PDXDC1: variants seen among roughly 807,000 people sequenced by gnomAD.
PDXDC1 encodes the protein pyridoxal dependent decarboxylase domain containing 1.
In PDXDC1, 42 loss-of-function variants were observed where a neutral mutation model predicts 100.1. That is an observed-to-expected ratio of 0.42 (90% confidence interval 0.33 to 0.54). PDXDC1 has a LOEUF of 0.54. Ranked by LOEUF, PDXDC1 falls within the 20% of genes least tolerant of loss-of-function variation. The pLI is 0.10. For synonymous variants in PDXDC1, 260 were observed against 371.7 expected (o/e 0.70, Z 3.46); for missense variants, 636 against 979.2 (o/e 0.65, Z 4.68).
chr16:15,081,119 T>C (rs766600540), intron 16 of PDXDC1, among the ~76,000 whole-genome samples: 9 of 152,228 alleles, frequency 5.9e-5, no homozygotes, highest in East Asian at 1.9e-4. Context: ...TGTTCATCAG[T>C]TGACAGACAT....
intron 1 of PDXDC1, among the ~76,000 whole-genome samples, chr16:14,984,450 A>AGTGT: frequency 9.5e-6 from 1 of 105,458 alleles, no homozygotes; most frequent in South Asian, 3.5e-4. Context: ...AGAGAGAGAG[A>AGTGT]GAGAGTGTGT....
chr16:15,126,962 T>G (rs2047769900), intron 16 of PDXDC1: 2 of 279,070 alleles, frequency 7.2e-6, no homozygotes, highest in Non-Finnish European at 1.4e-5. Flanking sequence ...CTGGTCCTTT[T>G]TAATGTTTTA....
intron 16 of PDXDC1, among the ~76,000 whole-genome samples, chr16:15,050,731 CA>C (rs758597516): frequency 8.4e-4 from 109 of 129,598 alleles, no homozygotes; most frequent in Middle Eastern, 3.9e-3. Context: ...GACCCTGCCT[CA>C]AAAAAAAAAA....
intron 16 of PDXDC1, among the ~76,000 whole-genome samples, chr16:15,132,436 G>T (rs1351961983): frequency 7.9e-6 from 1 of 126,766 alleles, no homozygotes. Flanking sequence ...AGGGAAGGGG[G>T]AGGGGAGGGG....
chr16:15,055,620 C>A, intron 16 of PDXDC1: 1 of 322,018 alleles, frequency 3.1e-6, no homozygotes, highest in East Asian at 4.6e-5. Flanking sequence ...GTCCCCGAGC[C>A]GCAGTGCTGT....
chr16:15,128,205 G>A (rs751772117), intron 16 of PDXDC1: 3 of 1,610,888 alleles, frequency 1.9e-6, no homozygotes, highest in South Asian at 1.1e-5. Context: ...GCAGAGCTTG[G>A]CAGGGTCCGC....
intron 1 of PDXDC1, 182 bp downstream of exon 1, chr16:14,975,402 G>T (rs1414198337): frequency 1.2e-5 from 12 of 985,484 alleles, no homozygotes; most frequent in Middle Eastern, 5.2e-4. Context: ...ACGGGGCCGG[G>T]TGTCTCTTGG....
rs553197516 is a variant in PDXDC1, at chr16:15,123,328, G to A, written c.1400-15551G>A. ...CCACCCCAACCAGCTCCCTGTCCCT[G>A]CTTCTGGGCGCTCCTTCCTTCCTGA... On this transcript the variant is annotated intron_variant, in intron 16 of 16. Coordinates refer to the PDXDC1 transcript ENST00000535621. 2.3e-5 allele frequency: 28 copies of A among 1,243,856 alleles called. No individual in the cohort carries two copies. The East Asian group carries it at 5.6e-4, about 25-fold the overall frequency. The allele number at this position is 1,243,856 out of a possible 1,614,324, so 77.1% of individuals were successfully genotyped here.
At position 14,997,815 on chromosome 16, in the gene PDXDC1, G is replaced by A. The variant is rs775645100; in HGVS notation, c.84G>A (p.Glu28=). 3.1e-6 allele frequency: 5 copies of A among 1,608,564 alleles called. No individual in the cohort carries two copies. In the South Asian group the frequency reaches 3.3e-5, roughly 11 times the overall value. ...KNLKEAVKML[E]DSQRRTEEEN... The stretch of plus-strand genomic sequence containing the variant: ...TGAAGGAGGCAGTGAAGATGCTGGA[G>A]GACAGTCAGAGGTGAGTAGGACAGA... Residue 28 remains glutamate (E), a synonymous_variant, in exon 2 of 23, where the codon GAG becomes GAA. Transcript: ENST00000396410.
intron 13 of PDXDC1, chr16:15,026,351 A>C (rs1384657063): frequency 2.1e-6 from 1 of 473,000 alleles, no homozygotes. Flanking sequence ...TTAATCTTTA[A>C]TGTTAGACCT....
intron 16 of PDXDC1, chr16:15,094,025 T>G (rs1351033455): frequency 5.8e-6 from 5 of 856,248 alleles, no homozygotes; most frequent in Non-Finnish European, 9.7e-6. Flanking sequence ...GAGATGACCC[T>G]CCACCCCGTG....
intron 12 of PDXDC1, among the ~76,000 whole-genome samples, chr16:15,019,320 G>C (rs138278555): frequency 5.3e-5 from 8 of 152,294 alleles, no homozygotes; most frequent in African/African-American, 1.9e-4. Flanking sequence ...TGAGGGAATA[G>C]GAAGGTTACA....
At chr16:15,016,740 T>C (rs2041824172) in intron 9 of PDXDC1, among the ~76,000 whole-genome samples, 1 of 152,296 alleles carries the variant, frequency 6.6e-6, no homozygotes, top group Admixed American at 6.5e-5. Context: ...GGAAGGCTAT[T>C]GTAGGGCCAT....
At chr16:15,024,848 G>A (rs1208914581) in intron 13 of PDXDC1, among the ~76,000 whole-genome samples, 23 of 152,404 alleles carry the variant, frequency 1.5e-4, no homozygotes, top group African/African-American at 2.4e-4. Flanking sequence ...CCCCTGGGTC[G>A]TCTTCATCAC....
At chr16:15,059,505 T>C (rs947578785) in intron 16 of PDXDC1, among the ~76,000 whole-genome samples, 1 of 152,190 alleles carries the variant, frequency 6.6e-6, no homozygotes, top group Non-Finnish European at 1.5e-5. Context: ...TAATTAGCGC[T>C]CAGAGAGGTT....
At chr16:15,027,962 C>T (rs1397653962) in intron 14 of PDXDC1, among the ~76,000 whole-genome samples, 1 of 152,286 alleles carries the variant, frequency 6.6e-6, no homozygotes, top group African/African-American at 2.4e-5. Context: ...ACTTCCCTTC[C>T]CCGCTTCTGT....
At chr16:14,980,874 A>G (rs1445522011) in intron 1 of PDXDC1, among the ~76,000 whole-genome samples, 3 of 152,296 alleles carry the variant, frequency 2.0e-5, no homozygotes, top group Admixed American at 2.0e-4. Context: ...TGCTGGGATT[A>G]CAGATGTAAG....
Position 15,127,253 on chromosome 16 carries a change from G to A in PDXDC1, c.1400-11626G>A, listed in dbSNP as rs573354268. 828 of 498,900 alleles carry A rather than the reference G, an allele frequency of 1.7e-3. 6 individuals carry two copies. The highest frequency in any genetic ancestry group is 0.015 in the African/African-American group (772 of 51,442). The allele number at this position is 498,900 out of a possible 1,614,324, so 30.9% of individuals were successfully genotyped here. On this transcript the variant is annotated intron_variant, in intron 16 of 16. Coordinates refer to the PDXDC1 transcript ENST00000535621. ...CAGTTGTCCGTGGCGTCTGCTTAGC[G>A]AAGTGCCCTCGTTCTTTCACGATTC...
chr16:15,104,648 A>G, intron 16 of PDXDC1: 1 of 1,597,954 alleles, frequency 6.3e-7, no homozygotes, highest in Non-Finnish European at 8.5e-7. Flanking sequence ...AATGTTGTTG[A>G]GTTGGAGGAG....
Sources: allele counts gnomAD v4.1 joint callset (sites outside exome capture counted in the v4.1 genomes callset), GRCh38; gene constraint gnomAD v4.1.1; transcripts MANE v1.5; gene names NCBI Gene and HGNC (gene_info 2026-07-23, HGNC 2026-07-21).